The following FHAD1 variants were observed in gnomAD, a reference collection of about 807,000 sequenced individuals.
FHAD1 encodes the protein forkhead associated phosphopeptide binding domain 1.
Under a neutral mutation model 191.3 loss-of-function variants are expected in FHAD1, and 146 were observed. The observed-to-expected ratio is 0.76, with a 90% CI of 0.67 to 0.88. The LOEUF is 0.88. Ranked by LOEUF, FHAD1 falls within the 40% of genes least tolerant of loss-of-function variation. The pLI is 0.00. For synonymous variants in FHAD1, 616 were observed against 672.3 expected (o/e 0.92, Z 1.29); for missense variants, 1,635 against 1,785.8 (o/e 0.92, Z 1.52).
intron 19 of FHAD1, among the ~76,000 whole-genome samples, chr1:15,351,081 A>T (rs1383859823): frequency 1.3e-5 from 2 of 152,200 alleles, no homozygotes; most frequent in African/African-American, 4.8e-5. Flanking sequence ...GCGATGGCTC[A>T]CGCCTGTAAT....
chr1:15,385,046 T>C (rs376085290), intron 31 of FHAD1, among the ~76,000 whole-genome samples: 3 of 151,076 alleles, frequency 2.0e-5, no homozygotes, highest in South Asian at 4.2e-4. Flanking sequence ...TCGGGGTTCA[T>C]CCCCAGGCTC....
chr1:15,292,320 G>C (rs1186502505), intron 4 of FHAD1, among the ~76,000 whole-genome samples: 4 of 148,254 alleles, frequency 2.7e-5, no homozygotes, highest in African/African-American at 1.0e-4. Context: ...GCTAATTTTT[G>C]TGGGGTTTTT....
At chr1:15,330,482 TA>T (rs1345806867) in intron 14 of FHAD1, among the ~76,000 whole-genome samples, 1 of 152,020 alleles carries the variant, frequency 6.6e-6, no homozygotes, top group African/African-American at 2.4e-5. Context: ...TATAATAAAA[TA>T]CTGGGGAAAA....
chr1:15,273,179 C>T (rs867806252), intron 3 of FHAD1, among the ~76,000 whole-genome samples: 11 of 152,030 alleles, frequency 7.2e-5, no homozygotes, highest in Non-Finnish European at 7.4e-5. Flanking sequence ...TGCACAATAT[C>T]TCTATTTCTT....
chr1:15,382,799 A>G (rs540941890), intron 31 of FHAD1, among the ~76,000 whole-genome samples: 6 of 152,352 alleles, frequency 3.9e-5, no homozygotes, highest in African/African-American at 1.4e-4. Flanking sequence ...CCAAAGCCAC[A>G]ATGCCGCCAG....
In FHAD1 at chr1:15,328,663, C is replaced by T. The variant is rs75410129; in HGVS notation, c.1710+234C>T. On this transcript the variant is annotated intron_variant, in intron 13 of 33. Transcript: ENST00000688493. ...AAAGATGCCTGAGCATCTTCAATTA[C>T]TGACTTTGAGCGGCCCGCATCCCCA... is the stretch of plus-strand genomic sequence containing the variant. 1.6e-3 allele frequency: 597 copies of T among 384,172 alleles called. 4 individuals carry two copies. The highest frequency in any genetic ancestry group is 0.011 in the African/African-American group (531 of 48,388). 23.8% of individuals were successfully genotyped at this position (384,172 alleles called of 1,614,324 possible).
At position 15,292,726 on chromosome 1, in the gene FHAD1, G is replaced by A. The variant is rs555263575; in HGVS notation, c.568+3060G>A. 2.2e-4 allele frequency among the ~76,000 whole-genome samples: 33 copies of A among 152,274 alleles called. 1 individual carries two copies. The highest frequency in any genetic ancestry group is 9.8e-4 in the Admixed American group (15 of 15,292). ...GTGAGGACACAGTGAGAAGGTGGCC[G>A]TCTGCAAGCCAAGAAGAGAGGCCTC... is the stretch of plus-strand genomic sequence containing the variant. On this transcript the variant is annotated intron_variant, in intron 4 of 33. Coordinates refer to ENST00000688493, the MANE Select transcript of FHAD1 (RefSeq NM_001391957.1).
At chr1:15,326,438 T>C (rs1678617125) in intron 11 of FHAD1, 1 of 152,194 alleles carries the variant, frequency 6.6e-6, no homozygotes, top group African/African-American at 2.4e-5. Context: ...AGGGGCTCAG[T>C]GAAAGCCACT....
At chr1:15,295,426 T>A (rs1046374180) in intron 4 of FHAD1, among the ~76,000 whole-genome samples, 1 of 152,098 alleles carries the variant, frequency 6.6e-6, no homozygotes, top group African/African-American at 2.4e-5. Flanking sequence ...TTGGATAACA[T>A]AGCAAGATCC....
rs770879472 is a variant in FHAD1 at position 15,324,520 on chromosome 1, G to A, written c.1434G>A (p.Glu478=). The A allele has an allele frequency of 6.4e-7, 1 of 1,552,140 alleles. No homozygotes were observed. Among genetic ancestry groups the A allele is most frequent in the South Asian group, 1.2e-5 (1 of 84,066 alleles). The change falls in exon 11 of 34, where the codon GAG becomes GAA. Residue 478 remains glutamate, a synonymous_variant. Transcript: ENST00000688493. ...LLQLQEMGNR[E]SVIKINLERA... Reference sequence around the variant, plus strand: ...AGCTGCAAGAAATGGGGAACAGAGAGAGCGTCATTAAAATCAATTTGGAGA... The same window carrying A: ...AGCTGCAAGAAATGGGGAACAGAGAAAGCGTCATTAAAATCAATTTGGAGA...
upstream of FHAD1, among the ~76,000 whole-genome samples, chr1:15,243,025 T>G (rs16851463): frequency 0.16 from 23,640 of 152,134 alleles, 1,964 homozygotes; most frequent in African/African-American, 0.21. Flanking sequence ...TTGCAGTTTT[T>G]GAACGGATGG....
intron 3 of FHAD1, among the ~76,000 whole-genome samples, chr1:15,281,589 G>A (rs1468208194): frequency 6.6e-6 from 1 of 151,772 alleles, no homozygotes; most frequent in East Asian, 1.9e-4. Context: ...GCAAAACCCC[G>A]TCTCTACTAA....
intron 33 of FHAD1, among the ~76,000 whole-genome samples, chr1:15,392,024 G>A (rs1704188936): frequency 6.6e-6 from 1 of 152,220 alleles, no homozygotes; most frequent in African/African-American, 2.4e-5. Flanking sequence ...TTGACATTGG[G>A]ATGGGCCCTG....
At chr1:15,277,860 T>C (rs1659001955) in intron 3 of FHAD1, among the ~76,000 whole-genome samples, 1 of 152,204 alleles carries the variant, frequency 6.6e-6, no homozygotes, top group South Asian at 2.1e-4. Context: ...TGGCGGCTAA[T>C]GTTTAATGAG....
At chr1:15,287,360 T>A (rs769157701) in intron 3 of FHAD1, among the ~76,000 whole-genome samples, 66 of 152,272 alleles carry the variant, frequency 4.3e-4, no homozygotes, top group Non-Finnish European at 6.5e-4. Flanking sequence ...ACTGTGTAAT[T>A]TAAAAACGAA....
chr1:15,324,438 C>G lies in FHAD1; in HGVS notation c.1366-14C>G, dbSNP rs887274224. 12 of 1,538,642 alleles carry G rather than the reference C, an allele frequency of 7.8e-6. No homozygotes were observed. The African/African-American group carries it at 1.5e-4, about 19-fold the overall frequency. ...CACATTAGCAGCAAGTACTCGCTTT[C>G]ATCGTCATTTCAGGTTGAAGAGAAG... On this transcript the variant is annotated splice_polypyrimidine_tract_variant and intron_variant, in intron 10 of 33. Coordinates refer to ENST00000688493, the MANE Select transcript of FHAD1 (RefSeq NM_001391957.1).
At chr1:15,374,258 G>A (rs1698935514) in intron 26 of FHAD1, among the ~76,000 whole-genome samples, 1 of 152,208 alleles carries the variant, frequency 6.6e-6, no homozygotes, top group South Asian at 2.1e-4. Context: ...AAAACGTGGA[G>A]AGGGAACGTG....
In FHAD1 at chr1:15,296,785, C is replaced by G. The variant is rs1321559940; in HGVS notation, c.670C>G (p.Gln224Glu). The G allele has an allele frequency of 6.4e-7, 1 of 1,551,272 alleles. No homozygotes were observed. The highest frequency in any genetic ancestry group is 8.7e-7 in the Non-Finnish European group (1 of 1,146,696). The change falls in exon 5 of 34, where the codon CAG becomes GAG. Residue 224 changes from glutamine (Q) to glutamate (E), a missense_variant. Gln to Glu is a conservative substitution (Grantham distance 29, BLOSUM62 2). Transcript: ENST00000688493. The stretch of plus-strand genomic sequence containing the variant: ...TTATGTGGAGGAGGACTTGGCCCAG[C>G]AGGACAAGGTGAGGGAGGGGTCTGG... ...EIYVEEDLAQQDKDEIILLLG... is the reference protein window; with the variant it reads ...EIYVEEDLAQEDKDEIILLLG...
chr1:15,353,029 GAA>G (rs1558199140), intron 20 of FHAD1, 45 bp downstream of exon 20: 2 of 1,375,184 alleles, frequency 1.5e-6, no homozygotes, highest in Non-Finnish European at 2.0e-6. Flanking sequence ...CCAGCACAGC[GAA>G]GGGCAGTGCT....
Sources: gnomAD v4.1 joint callset for allele counts (sites outside exome capture counted in the v4.1 genomes callset) on GRCh38, gnomAD v4.1.1 for gene constraint, MANE v1.5 for transcripts, NCBI Gene and HGNC (gene_info 2026-07-23, HGNC 2026-07-21) for gene names.